Variants in DNER observed in about 807,000 individuals in gnomAD.
The protein encoded by DNER is delta/notch like EGF repeat containing, also known as delta and Notch-like epidermal growth factor-related receptor.
In DNER, 33 loss-of-function variants were observed where a neutral mutation model predicts 78.2. That is an observed-to-expected ratio of 0.42 (90% CI 0.32 to 0.56). DNER has a LOEUF of 0.56. DNER is among the 20% of genes least tolerant of loss of function. DNER has a pLI of 0.11. For synonymous variants in DNER, 417 were observed against 384.8 expected (o/e 1.08, Z -0.98); for missense variants, 918 against 975.3 (o/e 0.94, Z 0.78).
At chr2:229,618,162 G>T (rs560894386) in intron 1 of DNER, among the ~76,000 whole-genome samples, 25 of 152,148 alleles carry the variant, frequency 1.6e-4, no homozygotes, top group African/African-American at 6.0e-4. Context: ...CATAATGGCT[G>T]TTTTTTTAAT....
At chr2:229,516,098 C>T (rs6436873) in intron 5 of DNER, among the ~76,000 whole-genome samples, 104,045 of 152,150 alleles carry the variant, frequency 0.68, 36,225 homozygotes, top group South Asian at 0.79. Context: ...TAAATTTTCA[C>T]TGAGAGATGA....
At chr2:229,589,074 TA>T (rs1697553582) in intron 2 of DNER, among the ~76,000 whole-genome samples, 1 of 152,222 alleles carries the variant, frequency 6.6e-6, no homozygotes, top group Admixed American at 6.5e-5. Flanking sequence ...TATGGATGTA[TA>T]TTTTTTTAAA....
At chr2:229,383,082 G>T (rs948782895) in intron 11 of DNER, among the ~76,000 whole-genome samples, 1 of 152,130 alleles carries the variant, frequency 6.6e-6, no homozygotes, top group African/African-American at 2.4e-5. Flanking sequence ...AACCCTACAA[G>T]CCAGAAGAGA....
At chr2:229,691,612 A>T (rs757288038) in intron 1 of DNER, among the ~76,000 whole-genome samples, 45 of 152,162 alleles carry the variant, frequency 3.0e-4, no homozygotes, top group Non-Finnish European at 5.1e-4. Context: ...ATATAAAGGA[A>T]CCAAATCTTC....
At chr2:229,563,084 C>A (rs949376999) in intron 4 of DNER, among the ~76,000 whole-genome samples, 1 of 149,176 alleles carries the variant, frequency 6.7e-6, no homozygotes, top group African/African-American at 2.5e-5. Context: ...CCATCACCAT[C>A]ATCATCAACA....
At chr2:229,663,234 A>G (rs1231011434) in intron 1 of DNER, among the ~76,000 whole-genome samples, 1 of 152,216 alleles carries the variant, frequency 6.6e-6, no homozygotes, top group African/African-American at 2.4e-5. Flanking sequence ...TAGAGAATGT[A>G]ACAGAATAGA....
intron 4 of DNER, among the ~76,000 whole-genome samples, chr2:229,566,765 C>T (rs1191401475): frequency 6.6e-6 from 1 of 152,214 alleles, no homozygotes; most frequent in Non-Finnish European, 1.5e-5. Flanking sequence ...GGCTCCAAGA[C>T]ACCTGTGGGT....
intron 1 of DNER, among the ~76,000 whole-genome samples, chr2:229,696,283 C>A (rs1699661032): frequency 6.6e-6 from 1 of 152,182 alleles, no homozygotes; most frequent in South Asian, 2.1e-4. Flanking sequence ...AACAAGTTGA[C>A]TGGGATAGTA....
chr2:229,491,025 A>G (rs1023173452), intron 6 of DNER, among the ~76,000 whole-genome samples: 6 of 151,670 alleles, frequency 4.0e-5, no homozygotes, highest in African/African-American at 1.2e-4. Context: ...GGAAAGTCCA[A>G]TGGCTCAGCC....
At chr2:229,395,667 G>C (rs1156579359) in intron 10 of DNER, among the ~76,000 whole-genome samples, 1 of 152,210 alleles carries the variant, frequency 6.6e-6, no homozygotes. Context: ...GGGAGGCTGA[G>C]GAGGGCGGAT....
chr2:229,515,635 C>CTTTTTTTT (rs1409850665), intron 5 of DNER, among the ~76,000 whole-genome samples: 4 of 123,252 alleles, frequency 3.2e-5, no homozygotes, highest in Non-Finnish European at 6.8e-5. Context: ...TTCAAGTTAG[C>CTTTTTTTT]TTTATTTTTT....
intron 8 of DNER, among the ~76,000 whole-genome samples, chr2:229,425,192 C>T (rs1693846653): frequency 6.6e-6 from 1 of 152,114 alleles, no homozygotes; most frequent in Non-Finnish European, 1.5e-5. Flanking sequence ...GAAACAGGCC[C>T]TGGGTATATC....
chr2:229,496,991 C>A lies in DNER; in HGVS notation c.1147+15792G>T, dbSNP rs187523370. Among the ~76,000 whole-genome samples the A allele has an allele frequency of 1.4e-3, 209 of 152,256 alleles. 3 individuals carry two copies. The highest frequency in any genetic ancestry group is 4.9e-3 in the African/African-American group (204 of 41,558). On this transcript the variant is annotated intron_variant, in intron 6 of 12. Coordinates refer to ENST00000341772, the MANE Select transcript of DNER (RefSeq NM_139072.4). Reference sequence around the variant, plus strand: ...TACAGAGCATTCCACCCAACAGCAGCAGCATATACATTCTTCTCAAGCCAC... The same window carrying A: ...TACAGAGCATTCCACCCAACAGCAGAAGCATATACATTCTTCTCAAGCCAC...
At chr2:229,486,866 T>C (rs1348391180) in intron 6 of DNER, among the ~76,000 whole-genome samples, 3 of 152,168 alleles carry the variant, frequency 2.0e-5, no homozygotes, top group African/African-American at 7.2e-5. Flanking sequence ...TTGACCATCA[T>C]TGTCACAGAC....
chr2:229,496,924 G>C (rs1177930819), intron 6 of DNER, among the ~76,000 whole-genome samples: 2 of 152,028 alleles, frequency 1.3e-5, no homozygotes, highest in Non-Finnish European at 2.9e-5. Context: ...GAAAACACCA[G>C]AGCTGGACTG....
In DNER at chr2:229,479,301, C is replaced by T. The variant is rs114036856; in HGVS notation, c.1148-2048G>A. Among the ~76,000 whole-genome samples, 954 of 152,276 alleles carry T rather than the reference C, an allele frequency of 6.3e-3. 7 individuals are homozygous for T. Among genetic ancestry groups the T allele is most frequent in the African/African-American group, 0.022 (923 of 41,548 alleles). On this transcript the variant is annotated intron_variant, in intron 6 of 12. Coordinates refer to ENST00000341772, the MANE Select transcript of DNER (RefSeq NM_139072.4). Reference sequence around the variant, plus strand: ...CTTTCACACAGTCCGCCTAAGGTTACACTTAAGGCACTATGCATCACCATC... The same window carrying T: ...CTTTCACACAGTCCGCCTAAGGTTATACTTAAGGCACTATGCATCACCATC...
At chr2:229,461,160 A>G (rs1694692169) in intron 7 of DNER, among the ~76,000 whole-genome samples, 2 of 152,090 alleles carry the variant, frequency 1.3e-5, no homozygotes, top group South Asian at 4.1e-4. Context: ...CAATATTCTC[A>G]TTCACTCTAT....
intron 7 of DNER, among the ~76,000 whole-genome samples, chr2:229,469,165 A>G: frequency 6.6e-6 from 1 of 152,180 alleles, no homozygotes; most frequent in Admixed American, 6.5e-5. Flanking sequence ...GCTTTAAGGG[A>G]TACAGAAATG....
chr2:229,703,922 G>A (rs74365237), intron 1 of DNER, among the ~76,000 whole-genome samples: 42 of 143,570 alleles, frequency 2.9e-4, no homozygotes, highest in South Asian at 6.6e-4. Flanking sequence ...GAGAGAAAAA[G>A]AAAAAAAAAA....
Sources: allele counts gnomAD v4.1 joint callset (sites outside exome capture counted in the v4.1 genomes callset), GRCh38; gene constraint gnomAD v4.1.1; transcripts MANE v1.5; gene names NCBI Gene and HGNC (gene_info 2026-07-23, HGNC 2026-07-21).